The following UBE2E3 variants were observed in gnomAD, a reference collection of about 807,000 sequenced individuals.
The protein encoded by UBE2E3 is ubiquitin-conjugating enzyme E2 E3.
UBE2E3 carries 5 observed loss-of-function variants against 23.6 expected under a neutral mutation model. That is an observed-to-expected ratio of 0.21 (90% CI 0.11 to 0.44). The LOEUF is 0.44. UBE2E3 is among the 20% of genes least tolerant of loss of function. UBE2E3 has a pLI of 0.99. For missense variants in UBE2E3, 81 were observed against 249.8 expected, an observed-to-expected ratio of 0.32 and a Z score of 4.55; for synonymous variants, 78 against 87.5, an observed-to-expected ratio of 0.89 and a Z score of 0.60.
At chr2:181,046,665 G>T (rs1167299322) in intron 3 of UBE2E3, among the ~76,000 whole-genome samples, 1 of 152,080 alleles carries the variant, frequency 6.6e-6, no homozygotes, top group East Asian at 1.9e-4. Context: ...GACCTAAGAA[G>T]GGTTAAGTAA....
chr2:181,051,325 G>A (rs776997105), intron 3 of UBE2E3, among the ~76,000 whole-genome samples: 2 of 151,606 alleles, frequency 1.3e-5, no homozygotes, highest in Non-Finnish European at 3.0e-5. Context: ...TAGACATAGT[G>A]GTTTTATGCA....
At chr2:180,991,610 C>A (rs1447100888) in intron 3 of UBE2E3, among the ~76,000 whole-genome samples, 1 of 152,230 alleles carries the variant, frequency 6.6e-6, no homozygotes, top group Non-Finnish European at 1.5e-5. Context: ...AACACAAACT[C>A]ATAAACTTTC....
chr2:180,995,151 G>A (rs1057064998), intron 3 of UBE2E3, among the ~76,000 whole-genome samples: 3 of 152,030 alleles, frequency 2.0e-5, no homozygotes, highest in Non-Finnish European at 2.9e-5. Flanking sequence ...CCTGGTTCTC[G>A]TGTGTATTTT....
At chr2:181,058,974 T>TTTCC (rs1225793310) in intron 4 of UBE2E3, among the ~76,000 whole-genome samples, 1 of 151,772 alleles carries the variant, frequency 6.6e-6, no homozygotes, top group Non-Finnish European at 1.5e-5. Context: ...ACTCTTAAGT[T>TTTCC]TTCCTGGACA....
chr2:181,039,896 T>G (rs1326129117), intron 3 of UBE2E3, among the ~76,000 whole-genome samples: 1 of 152,228 alleles, frequency 6.6e-6, no homozygotes, highest in African/African-American at 2.4e-5. Flanking sequence ...TTACTTATAA[T>G]ACCAAATACA....
chr2:181,006,301 A>G (rs1351636676), intron 3 of UBE2E3, among the ~76,000 whole-genome samples: 2 of 152,090 alleles, frequency 1.3e-5, no homozygotes, highest in East Asian at 3.8e-4. Flanking sequence ...GCTTAAATAG[A>G]CATACTTTCA....
At chr2:181,001,367 T>G (rs1484812554) in intron 3 of UBE2E3, among the ~76,000 whole-genome samples, 2 of 152,222 alleles carry the variant, frequency 1.3e-5, no homozygotes, top group South Asian at 2.1e-4. Flanking sequence ...TTTTCGAGCT[T>G]CTTAAATGGC....
chr2:181,041,091 T>C (rs144943070), intron 3 of UBE2E3, among the ~76,000 whole-genome samples: 55 of 151,626 alleles, frequency 3.6e-4, no homozygotes, highest in Middle Eastern at 3.4e-3. Flanking sequence ...CTACCAAAAA[T>C]AAAAAAATTA....
rs1437555760 is a variant in UBE2E3 at position 181,045,963 on chromosome 2, TTG to T, written c.246-11728_246-11727del. ...ATATAGTCTGCTTATATAAGTGACTTTGTATCTATCCAGCATTATTTTATGTG... is the reference window on the plus strand; with the variant it reads ...ATATAGTCTGCTTATATAAGTGACTTTATCTATCCAGCATTATTTTATGTG... On this transcript the variant is annotated intron_variant, in intron 3 of 5. Coordinates refer to ENST00000410062, the MANE Select transcript of UBE2E3 (RefSeq NM_006357.4). Among the ~76,000 whole-genome samples the T allele has an allele frequency of 3.3e-5, 5 of 152,330 alleles. No individual in the cohort carries two copies. In the East Asian group the frequency reaches 7.7e-4, roughly 24 times the overall value.
intron 3 of UBE2E3, among the ~76,000 whole-genome samples, chr2:181,015,477 G>A (rs1574183998): frequency 6.6e-6 from 1 of 151,998 alleles, no homozygotes; most frequent in East Asian, 1.9e-4. Context: ...AAAACAAAAA[G>A]ACTACTTATT....
At chr2:181,062,633 A>T (rs1401134) in intron 5 of UBE2E3, among the ~76,000 whole-genome samples, 158 bp from the exon 6 acceptor site, 1 of 151,288 alleles carries the variant, frequency 6.6e-6, no homozygotes, top group African/African-American at 2.4e-5. Context: ...TAAAATATAC[A>T]TATGATCATG....
intron 3 of UBE2E3, among the ~76,000 whole-genome samples, chr2:181,046,925 A>G (rs1330483814): frequency 1.3e-5 from 2 of 152,132 alleles, no homozygotes; most frequent in Non-Finnish European, 2.9e-5. Flanking sequence ...TAAAAATTAC[A>G]CAGAAAACTA....
intron 3 of UBE2E3, among the ~76,000 whole-genome samples, chr2:181,037,617 T>C (rs1248544320): frequency 2.0e-5 from 3 of 152,200 alleles, no homozygotes; most frequent in African/African-American, 4.8e-5. Context: ...ACTGTGTTTG[T>C]GTTTTAAGCT....
At chr2:181,030,880 T>A (rs550905684) in intron 3 of UBE2E3, among the ~76,000 whole-genome samples, 1 of 152,136 alleles carries the variant, frequency 6.6e-6, no homozygotes, top group South Asian at 2.1e-4. Context: ...GTTTCTATGT[T>A]TTATTAGTCT....
intron 3 of UBE2E3, among the ~76,000 whole-genome samples, chr2:181,001,615 G>A (rs941257644): frequency 6.6e-6 from 1 of 152,140 alleles, no homozygotes; most frequent in African/African-American, 2.4e-5. Flanking sequence ...GCCTGAAATG[G>A]CCTAAGAGCC....
chr2:181,043,177 A>G (rs751189944), intron 3 of UBE2E3, among the ~76,000 whole-genome samples: 1 of 152,240 alleles, frequency 6.6e-6, no homozygotes, highest in African/African-American at 2.4e-5. Flanking sequence ...GAGTTCCAAC[A>G]TGATGCTACG....
chr2:180,993,914 T>A (rs964826479), intron 3 of UBE2E3, among the ~76,000 whole-genome samples: 22 of 152,162 alleles, frequency 1.4e-4, no homozygotes, highest in Admixed American at 1.2e-3. Context: ...TACTTGTTTC[T>A]TAGGGTATTG....
intron 3 of UBE2E3, among the ~76,000 whole-genome samples, chr2:180,996,164 G>A (rs1015930304): frequency 1.3e-5 from 2 of 152,164 alleles, no homozygotes; most frequent in East Asian, 1.9e-4. Context: ...GAGGGTAAAA[G>A]TCATATGGAC....
At chr2:181,013,446 C>T (rs937277822) in intron 3 of UBE2E3, among the ~76,000 whole-genome samples, 8 of 150,458 alleles carry the variant, frequency 5.3e-5, no homozygotes, top group Non-Finnish European at 1.0e-4. Flanking sequence ...ACATAAAAAG[C>T]TGTTGGCAGA....
Sources: allele counts gnomAD v4.1 joint callset (sites outside exome capture counted in the v4.1 genomes callset), GRCh38; gene constraint gnomAD v4.1.1; transcripts MANE v1.5; gene names NCBI Gene and HGNC (gene_info 2026-07-23, HGNC 2026-07-21).